ALK: variants seen among roughly 807,000 people sequenced by gnomAD.
ALK encodes the protein ALK tyrosine kinase receptor.
ALK carries 74 observed loss-of-function variants against 163.1 expected under a neutral mutation model. The observed-to-expected ratio is 0.45, with a 90% confidence interval of 0.38 to 0.55. ALK has a LOEUF of 0.55. ALK is among the 20% of genes least tolerant of loss of function. ALK has a pLI of 0.00. For missense variants in ALK, 2,063 were observed against 2,105.3 expected (o/e 0.98, Z 0.39); for synonymous variants, 960 against 843.2 (o/e 1.14, Z -2.40).
At chr2:29,423,400 G>T (rs1478458767) in intron 4 of ALK, among the ~76,000 whole-genome samples, 4 of 152,224 alleles carry the variant, frequency 2.6e-5, no homozygotes, top group Non-Finnish European at 5.9e-5. Flanking sequence ...GGGCCCTTCA[G>T]TGACTAATCT....
chr2:29,564,430 TC>T (rs1674117224), intron 3 of ALK, among the ~76,000 whole-genome samples: 2 of 119,202 alleles, frequency 1.7e-5, no homozygotes, highest in Non-Finnish European at 3.6e-5. Flanking sequence ...GCATAAAGGA[TC>T]CCTACCACCA....
intron 5 of ALK, among the ~76,000 whole-genome samples, chr2:29,340,190 AAT>A (rs1667749254): frequency 6.6e-6 from 1 of 152,198 alleles, no homozygotes; most frequent in African/African-American, 2.4e-5. Flanking sequence ...CTCCCCGTAA[AAT>A]ATGTCATTTT....
intron 3 of ALK, among the ~76,000 whole-genome samples, chr2:29,634,833 A>G (rs1339609020): frequency 6.6e-6 from 1 of 152,210 alleles, no homozygotes. Flanking sequence ...ATATATCAGA[A>G]AGGAATAAAT....
chr2:29,614,299 C>T (rs1675779660), intron 3 of ALK, among the ~76,000 whole-genome samples: 1 of 152,208 alleles, frequency 6.6e-6, no homozygotes, highest in Non-Finnish European at 1.5e-5. Flanking sequence ...GATCATGTCG[C>T]CTCTCGAAAG....
At chr2:29,457,499 C>T (rs1228249247) in intron 4 of ALK, among the ~76,000 whole-genome samples, 2 of 152,110 alleles carry the variant, frequency 1.3e-5, no homozygotes, top group African/African-American at 4.8e-5. Flanking sequence ...TTTCCATCTG[C>T]AGGTCTCAGG....
chr2:29,758,119 T>C (rs1463437387), intron 1 of ALK, among the ~76,000 whole-genome samples: 1 of 150,612 alleles, frequency 6.6e-6, no homozygotes. Flanking sequence ...CAAGTGATTC[T>C]CCTGCCTCAG....
intron 1 of ALK, among the ~76,000 whole-genome samples, chr2:29,883,522 A>G (rs1169015219): frequency 2.0e-5 from 3 of 152,184 alleles, no homozygotes; most frequent in Non-Finnish European, 4.4e-5. Context: ...CTACCACTGT[A>G]TCTCCCCAAC....
chr2:29,547,945 A>G (rs181206109), intron 3 of ALK, among the ~76,000 whole-genome samples: 125 of 152,354 alleles, frequency 8.2e-4, no homozygotes, highest in African/African-American at 2.7e-3. Flanking sequence ...TAAATATCGC[A>G]TGAGACATGC....
intron 1 of ALK, among the ~76,000 whole-genome samples, chr2:29,862,715 A>G (rs925917676): frequency 6.6e-6 from 1 of 152,158 alleles, no homozygotes; most frequent in Non-Finnish European, 1.5e-5. Context: ...TACAGATTCA[A>G]TGCAACCCCT....
chr2:29,442,302 TA>T (rs1670565801), intron 4 of ALK, among the ~76,000 whole-genome samples: 2 of 60,336 alleles, frequency 3.3e-5, no homozygotes, highest in East Asian at 8.1e-4. Context: ...TTTCCTCTGA[TA>T]AATTAAAAAA....
intron 1 of ALK, among the ~76,000 whole-genome samples, chr2:29,768,723 G>A (rs888012828): frequency 5.9e-4 from 84 of 142,040 alleles, no homozygotes; most frequent in African/African-American, 1.9e-3. Flanking sequence ...CTGTGTGTGT[G>A]TGTGTGTGTG....
intron 11 of ALK, among the ~76,000 whole-genome samples, chr2:29,257,241 A>T (rs1399838870): frequency 5.3e-5 from 1 of 18,796 alleles, no homozygotes; most frequent in African/African-American, 1.8e-4. Flanking sequence ...CATTTATGAA[A>T]GAAAAAAAAA....
At chr2:29,530,462 C>A (rs1673092699) in intron 4 of ALK, among the ~76,000 whole-genome samples, 1 of 152,232 alleles carries the variant, frequency 6.6e-6, no homozygotes. Context: ...CACCCGCCAC[C>A]AGCACCACAA....
At chr2:29,533,382 T>C (rs887729585) in intron 3 of ALK, among the ~76,000 whole-genome samples, 2 of 152,222 alleles carry the variant, frequency 1.3e-5, no homozygotes, top group Non-Finnish European at 2.9e-5. Flanking sequence ...GTCCTCTTGC[T>C]TTCCTAGGGA....
chr2:29,541,061 G>T (rs1307773115), intron 3 of ALK, among the ~76,000 whole-genome samples: 1 of 151,936 alleles, frequency 6.6e-6, no homozygotes. Flanking sequence ...TTTTATTTAT[G>T]ATCTGTTTGC....
At chr2:29,241,903 C>G (rs1331738889) in intron 12 of ALK, among the ~76,000 whole-genome samples, 2 of 152,160 alleles carry the variant, frequency 1.3e-5, no homozygotes, top group Non-Finnish European at 2.9e-5. Flanking sequence ...ATGGTCCAAA[C>G]CCTTGCACAT....
chr2:29,696,988 G>A (rs185252586), intron 2 of ALK, among the ~76,000 whole-genome samples: 2 of 151,582 alleles, frequency 1.3e-5, no homozygotes, highest in Admixed American at 1.3e-4. Context: ...GGGTTGATAG[G>A]TGCAGCAAAC....
chr2:29,573,085 T>C (rs957176922), intron 3 of ALK, among the ~76,000 whole-genome samples: 2 of 152,234 alleles, frequency 1.3e-5, no homozygotes, highest in Non-Finnish European at 1.5e-5. Flanking sequence ...TCTGCCTGGC[T>C]TCTCTTTTCC....
At chr2:29,876,498 A>G (rs1220995164) in intron 1 of ALK, among the ~76,000 whole-genome samples, 10 of 126,578 alleles carry the variant, frequency 7.9e-5, no homozygotes, top group African/African-American at 2.5e-4. Context: ...TGGTAGTGGT[A>G]ATGGTGGTAA....
Sources: allele counts gnomAD v4.1 joint callset (sites outside exome capture counted in the v4.1 genomes callset), GRCh38; gene constraint gnomAD v4.1.1; transcripts MANE v1.5; gene names NCBI Gene and HGNC (gene_info 2026-07-23, HGNC 2026-07-21).